Variants in CABP1 observed in about 807,000 individuals in gnomAD.
CABP1 encodes calcium-binding protein 1.
In CABP1, 17 loss-of-function variants were observed where a neutral mutation model predicts 34.3. That is an observed-to-expected ratio of 0.50 (90% CI 0.34 to 0.74). CABP1 has a LOEUF of 0.74. CABP1 is among the 30% of genes least tolerant of loss of function. The pLI is 0.01. For synonymous variants in CABP1, 198 were observed against 229.2 expected (o/e 0.86, Z 1.23); for missense variants, 373 against 511.1 (o/e 0.73, Z 2.61).
downstream of CABP1, among the ~76,000 whole-genome samples, chr12:120,671,055 G>A (rs1205335089): frequency 6.6e-6 from 1 of 152,170 alleles, no homozygotes; most frequent in South Asian, 2.1e-4. Context: ...ATTCAATCTG[G>A]TGGGTGGGTG....
chr12:120,650,779 C>A, intron 1 of CABP1: 1 of 1,278,012 alleles, frequency 7.8e-7, no homozygotes, highest in Non-Finnish European at 1.1e-6. Context: ...CTGGAGCTTG[C>A]TATCCTTCCC....
chr12:120,653,353 G>T (rs1040582345), intron 1 of CABP1, among the ~76,000 whole-genome samples: 3 of 152,128 alleles, frequency 2.0e-5, no homozygotes, highest in African/African-American at 7.2e-5. Flanking sequence ...GGAATCCTGT[G>T]ACTAGTCATG....
the CABP1 span, among the ~76,000 whole-genome samples, chr12:120,674,275 C>T: frequency 6.6e-6 from 1 of 152,404 alleles, no homozygotes; most frequent in Non-Finnish European, 1.5e-5. Context: ...GTCATCACGC[C>T]TCAGCGATTC....
In CABP1 at chr12:120,660,867, G is replaced by C. The variant is rs1880582819; in HGVS notation, c.939+27G>C. The C allele has an allele frequency of 6.5e-7, 1 of 1,546,678 alleles. No individual in the cohort carries two copies. Among genetic ancestry groups the C allele is most frequent in the Non-Finnish European group, 8.9e-7 (1 of 1,118,596 alleles). On this transcript the variant is annotated intron_variant, in intron 4 of 5. Transcript: ENST00000316803. This position sits in a 1 kb window ranked among gnomAD's most constrained non-coding sequence, Gnocchi z 5.0. Reference sequence around the variant, plus strand: ...TAACGGACAGAGGCAGGCAGGCATGGGGCGGCTATTGGAATCCTATCTGCA... The same window carrying C: ...TAACGGACAGAGGCAGGCAGGCATGCGGCGGCTATTGGAATCCTATCTGCA...
chr12:120,657,763 T>C (rs2673617), intron 1 of CABP1, among the ~76,000 whole-genome samples: 77,814 of 152,028 alleles, frequency 0.51, 20,748 homozygotes, highest in Non-Finnish European at 0.6. Flanking sequence ...CCCGGGGCTT[T>C]GGGTGTACAG....
intron 5 of CABP1, among the ~76,000 whole-genome samples, chr12:120,665,934 C>T (rs143585468): frequency 0.011 from 1,674 of 150,188 alleles, 36 homozygotes; most frequent in African/African-American, 0.039. Flanking sequence ...AGGAGAATGG[C>T]GTGAACCCGG....
the CABP1 span, among the ~76,000 whole-genome samples, chr12:120,674,527 T>C: frequency 2.0e-5 from 3 of 152,274 alleles, no homozygotes; most frequent in South Asian, 2.1e-4. Flanking sequence ...CAGCTAATGG[T>C]TGTCTTTCCT....
intron 1 of CABP1, among the ~76,000 whole-genome samples, chr12:120,654,447 G>T (rs1358489397): frequency 6.6e-6 from 1 of 152,156 alleles, no homozygotes; most frequent in Non-Finnish European, 1.5e-5. Context: ...GTCTTGGGAT[G>T]TTCTCCTAAG....
chr12:120,655,629 T>C, intron 1 of CABP1: 1 of 1,390,960 alleles, frequency 7.2e-7, no homozygotes, highest in East Asian at 2.6e-5. Context: ...AGGACAAGTC[T>C]GTTTGGGAGC....
At chr12:120,648,911 A>G (rs1186361207) in intron 1 of CABP1, among the ~76,000 whole-genome samples, 2 of 150,114 alleles carry the variant, frequency 1.3e-5, no homozygotes, top group African/African-American at 2.4e-5. Flanking sequence ...TGGCAGAGCT[A>G]GACTCAACCC....
rs1479426355 is a variant in CABP1 at position 120,641,780 on chromosome 12, A to G, written c.654+441A>G. On this transcript the variant is annotated intron_variant, in intron 1 of 5. Transcript: ENST00000316803. The surrounding 1 kb of genome is among the most constrained non-coding windows in gnomAD (Gnocchi z 6.7). ...GGGTCAAGAGAGGGGACCTCAGAGA[A>G]CACAGAATTACTTGAGGGCGAGGGA... is the stretch of plus-strand genomic sequence containing the variant. 6.6e-6 allele frequency among the ~76,000 whole-genome samples: 1 copy of G among 152,256 alleles called. No individual in the cohort carries two copies. Among genetic ancestry groups the G allele is most frequent in the Non-Finnish European group, 1.5e-5 (1 of 68,052 alleles).
rs1879311943 is a variant in CABP1, at chr12:120,641,353, C to T, written c.654+14C>T. ...GCCTTTGGCCAGGTAAGGGCCGCGC[C>T]TCCCGTCAGCGCTCCCGGGAAAGGC... is the stretch of plus-strand genomic sequence containing the variant. On this transcript the variant is annotated intron_variant, in intron 1 of 5. Coordinates refer to ENST00000316803, the MANE Select transcript of CABP1 (RefSeq NM_001033677.2). The surrounding 1 kb of genome is among the most constrained non-coding windows in gnomAD (Gnocchi z 6.7). The T allele has an allele frequency of 1.6e-6, 2 of 1,267,696 alleles. No individual in the cohort carries two copies. The highest frequency in any genetic ancestry group is 2.0e-6 in the Non-Finnish European group (2 of 1,006,312). 78.5% of individuals were successfully genotyped at this position (1,267,696 alleles called of 1,614,324 possible).
In CABP1 at chr12:120,661,103, C is replaced by T; in HGVS notation, c.972C>T (p.Thr324=). The T allele has an allele frequency of 1.2e-6, 2 of 1,613,756 alleles. No homozygotes were observed. Among genetic ancestry groups the T allele is most frequent in the African/African-American group, 2.7e-5 (2 of 74,928 alleles). Residue 324 remains threonine, a synonymous_variant, in exon 5 of 6, where the codon ACC becomes ACT. Transcript: ENST00000316803. This position sits in a 1 kb window ranked among gnomAD's most constrained non-coding sequence, Gnocchi z 5.1. ...CCAATGGTGATGGGGAAATAAGCAC[C>T]AGTGAGCTGCGAGAGGCTATGAGGA... The part of the protein sequence containing the change: ...FDTNGDGEIS[T]SELREAMRKL...
chr12:120,670,388 T>C (rs1881212054), downstream of CABP1, among the ~76,000 whole-genome samples: 1 of 152,108 alleles, frequency 6.6e-6, no homozygotes, highest in East Asian at 1.9e-4. Context: ...TAGCCAAGAG[T>C]TCTTTCTGCA....
intron 1 of CABP1, chr12:120,655,785 T>C: frequency 6.7e-7 from 1 of 1,498,816 alleles, no homozygotes; most frequent in Non-Finnish European, 8.9e-7. Flanking sequence ...CTTCATGCAC[T>C]TGGGTGTGTG....
At position 120,641,214 on chromosome 12, in the gene CABP1, C is replaced by T; in HGVS notation, c.529C>T (p.Pro177Ser). Reference sequence around the variant, plus strand: ...GGATGGGGAGGAACGGGGACTGTCCCCGGCGCTCGGCCTCCGGGGCTCTCT... The same window carrying T: ...GGATGGGGAGGAACGGGGACTGTCCTCGGCGCTCGGCCTCCGGGGCTCTCT... Reference protein sequence around the residue: ...GRDGEERGLSPALGLRGSLRA... With the variant: ...GRDGEERGLSSALGLRGSLRA... Residue 177 changes from proline (P) to serine (S), a missense_variant, in exon 1 of 6, where the codon CCG becomes TCG. Pro to Ser is a moderately conservative substitution (Grantham distance 74, BLOSUM62 -1). Coordinates refer to ENST00000316803, the MANE Select transcript of CABP1 (RefSeq NM_001033677.2). This position sits in a 1 kb window ranked among gnomAD's most constrained non-coding sequence, Gnocchi z 6.7. The T allele has an allele frequency of 7.9e-7, 1 of 1,258,846 alleles. No individual in the cohort carries two copies. The highest frequency in any genetic ancestry group is 1.0e-6 in the Non-Finnish European group (1 of 1,002,842). The allele number at this position is 1,258,846 out of a possible 1,614,324, so 78.0% of individuals were successfully genotyped here.
In CABP1 at chr12:120,640,970, G is replaced by A; in HGVS notation, c.285G>A (p.Gly95=). ...GCCACGGCCCTGCCCGGGACCCGGG[G>A]CTGCCTAGCCGCCGGCTACCCGGCT... ...APRHGPARDP[G]LPSRRLPGSC... is the part of the protein sequence containing the mutation. Residue 95 remains glycine, a synonymous_variant, in exon 1 of 6, where the codon GGG becomes GGA. Transcript: ENST00000316803. The surrounding 1 kb of genome is among the most constrained non-coding windows in gnomAD (Gnocchi z 6.2). The A allele has an allele frequency of 8.7e-7, 1 of 1,147,290 alleles. No homozygotes were observed. The highest frequency in any genetic ancestry group is 1.1e-6 in the Non-Finnish European group (1 of 934,078). The allele number at this position is 1,147,290 out of a possible 1,614,324, so 71.1% of individuals were successfully genotyped here.
intron 5 of CABP1, among the ~76,000 whole-genome samples, chr12:120,666,203 TA>T (rs78315987): frequency 1.9e-3 from 204 of 107,008 alleles, no homozygotes; most frequent in Admixed American, 1.9e-3. Context: ...GTCTCTACAT[TA>T]AAAAAAAAAA....
chr12:120,663,493 C>T (rs1880784125), intron 5 of CABP1, among the ~76,000 whole-genome samples: 1 of 152,050 alleles, frequency 6.6e-6, no homozygotes, highest in Non-Finnish European at 1.5e-5. Flanking sequence ...CCAGGCTGGT[C>T]TCGAACTCCT....
Sources: gnomAD v4.1 joint callset for allele counts (sites outside exome capture counted in the v4.1 genomes callset) on GRCh38, gnomAD v4.1.1 for gene constraint, Gnocchi (gnomAD v3.1) non-coding constraint, MANE v1.5 for transcripts, NCBI Gene and HGNC (gene_info 2026-07-23, HGNC 2026-07-21) for gene names.